Variants in NRXN3 observed in about 807,000 individuals in gnomAD.
NRXN3 encodes neurexin 3.
A neutral mutation model predicts 137.6 loss-of-function variants in NRXN3; 32 were observed. The ratio of observed to expected loss-of-function variants is 0.23; its 90% confidence interval spans 0.18 to 0.31. NRXN3 has a LOEUF of 0.31. Ranked by LOEUF, NRXN3 falls within the 10% of genes least tolerant of loss-of-function variation. The pLI is 1.00. For synonymous variants in NRXN3, 798 were observed against 784.5 expected (o/e 1.02, Z -0.29); for missense variants, 1,574 against 2,062.5 (o/e 0.76, Z 4.59).
chr14:78,693,823 TA>T (rs1159236767), intron 6 of NRXN3, among the ~76,000 whole-genome samples: 5 of 151,686 alleles, frequency 3.3e-5, no homozygotes, highest in African/African-American at 1.2e-4. Context: ...CTAGTGCCTT[TA>T]GGATCAAGTT....
At position 79,861,347 on chromosome 14, in the gene NRXN3, A is replaced by C; in HGVS notation, c.4099A>C (p.Ser1367Arg). ...FVECEPSTDKSLSTSIFEGGY... is the reference protein window; with the variant it reads ...FVECEPSTDKRLSTSIFEGGY... ...CACCTTCTCCTTGGTAACAGATAAGAGTCTTTCCACTTCAATCTTCGAAGG... is the reference window on the plus strand; with the variant it reads ...CACCTTCTCCTTGGTAACAGATAAGCGTCTTTCCACTTCAATCTTCGAAGG... The change falls in exon 21 of 21, where the codon AGT becomes CGT. Residue 1367 changes from serine (S) to arginine (R), a missense_variant. Transcript: ENST00000335750. This position sits in a 1 kb window ranked among gnomAD's most constrained non-coding sequence, Gnocchi z 5.4. The C allele has an allele frequency of 1.8e-5, 28 of 1,536,112 alleles. No individual in the cohort carries two copies. The highest frequency in any genetic ancestry group is 2.4e-5 in the Non-Finnish European group (28 of 1,146,908).
At chr14:78,937,561 A>G (rs1179091248) in intron 10 of NRXN3, among the ~76,000 whole-genome samples, 1 of 152,214 alleles carries the variant, frequency 6.6e-6, no homozygotes, top group Non-Finnish European at 1.5e-5. Flanking sequence ...TCAAAAATCT[A>G]ACAGTAATAG....
chr14:79,575,326 C>T (rs1287456294), intron 16 of NRXN3, among the ~76,000 whole-genome samples: 4 of 151,944 alleles, frequency 2.6e-5, no homozygotes, highest in African/African-American at 2.4e-5. Context: ...AAGACGGAAG[C>T]GTGGTAAGGA....
At chr14:79,716,624 A>G (rs917910) in intron 19 of NRXN3, among the ~76,000 whole-genome samples, 70,195 of 151,724 alleles carry the variant, frequency 0.46, 16,797 homozygotes, top group Middle Eastern at 0.59. Flanking sequence ...GTTTTCCTGC[A>G]GTCTAATTAG....
intron 16 of NRXN3, among the ~76,000 whole-genome samples, chr14:79,515,514 C>G (rs1218405823): frequency 6.7e-6 from 1 of 150,232 alleles, no homozygotes; most frequent in African/African-American, 2.5e-5. Context: ...AGAACTTTAG[C>G]AAAGGAAGAT....
At chr14:78,423,721 A>G (rs2093550927) in intron 4 of NRXN3, among the ~76,000 whole-genome samples, 1 of 152,216 alleles carries the variant, frequency 6.6e-6, no homozygotes, top group African/African-American at 2.4e-5. Context: ...CACATGTGCT[A>G]GAAAGTATTA....
chr14:78,886,702 A>G lies in NRXN3; in HGVS notation c.2276-70540A>G, dbSNP rs139573686. Among the ~76,000 whole-genome samples the G allele has an allele frequency of 4.4e-3, 671 of 152,278 alleles. 3 individuals are homozygous for G. The highest frequency in any genetic ancestry group is 0.015 in the African/African-American group (617 of 41,568). ...ATATTTAACAGTCTTATGAAAGACT[A>G]AAGAATCATTTTGAGTTCATCTACT... On this transcript the variant is annotated intron_variant, in intron 10 of 20. Transcript: ENST00000335750.
chr14:79,477,966 G>A (rs754601642), intron 16 of NRXN3, among the ~76,000 whole-genome samples: 75 of 151,820 alleles, frequency 4.9e-4, no homozygotes, highest in Admixed American at 1.3e-3. Flanking sequence ...TTTGACTTTA[G>A]TGATGCAAAA....
At chr14:78,213,511 A>G (rs1156533885) in intron 1 of NRXN3, among the ~76,000 whole-genome samples, 1 of 152,188 alleles carries the variant, frequency 6.6e-6, no homozygotes, top group Non-Finnish European at 1.5e-5. Flanking sequence ...GCTCTGAGAA[A>G]GTCTCAGCCA....
chr14:79,251,825 C>A (rs2075973348), intron 15 of NRXN3, among the ~76,000 whole-genome samples: 2 of 151,430 alleles, frequency 1.3e-5, no homozygotes, highest in South Asian at 4.2e-4. Context: ...TGTTTCTTTT[C>A]TTTTCTTTTT....
chr14:79,836,399 A>G (rs1333378267), intron 20 of NRXN3, among the ~76,000 whole-genome samples: 1 of 152,212 alleles, frequency 6.6e-6, no homozygotes, highest in African/African-American at 2.4e-5. Context: ...TGTTAAAACC[A>G]AGAGCAGGAA....
At chr14:79,352,889 C>T (rs1173631828) in intron 15 of NRXN3, among the ~76,000 whole-genome samples, 7 of 152,052 alleles carry the variant, frequency 4.6e-5, no homozygotes, top group South Asian at 2.1e-4. Flanking sequence ...TCAGAGTCTA[C>T]GTATTTAACT....
chr14:79,181,871 C>A (rs2062969271), intron 15 of NRXN3, among the ~76,000 whole-genome samples: 1 of 151,974 alleles, frequency 6.6e-6, no homozygotes, highest in Admixed American at 6.6e-5. Flanking sequence ...AAATCTTACT[C>A]CCCACCATAG....
chr14:79,074,203 C>T (rs954478692), intron 15 of NRXN3, among the ~76,000 whole-genome samples: 5 of 152,128 alleles, frequency 3.3e-5, no homozygotes, highest in African/African-American at 1.2e-4. Flanking sequence ...TGCAGTCTTG[C>T]ACATCAAATT....
rs148307147 is a variant in NRXN3, at chr14:79,168,370, T to G, written c.3262+180229T>G. 1.4e-4 allele frequency among the ~76,000 whole-genome samples: 21 copies of G among 152,132 alleles called. 1 individual carries two copies. The South Asian group carries it at 2.5e-3, about 18-fold the overall frequency. On this transcript the variant is annotated intron_variant, in intron 15 of 20. Transcript: ENST00000335750. ...ATAGTTGATATTCACATATTAGATCTCAATAGAAAAAATAGATAGTATAGG... is the reference window on the plus strand; with the variant it reads ...ATAGTTGATATTCACATATTAGATCGCAATAGAAAAAATAGATAGTATAGG...
intron 4 of NRXN3, among the ~76,000 whole-genome samples, chr14:78,434,086 G>A (rs2093981654): frequency 6.6e-6 from 1 of 152,160 alleles, no homozygotes; most frequent in African/African-American, 2.4e-5. Flanking sequence ...GGCAAATCCT[G>A]TTTTACAGTA....
chr14:79,806,882 G>T (rs1289261187), intron 20 of NRXN3, among the ~76,000 whole-genome samples: 1 of 133,646 alleles, frequency 7.5e-6, no homozygotes, highest in Non-Finnish European at 1.5e-5. Context: ...TCCTCAATAC[G>T]TACATTAAAT....
intron 4 of NRXN3, among the ~76,000 whole-genome samples, chr14:78,569,800 T>C (rs1440193275): frequency 6.6e-6 from 1 of 152,012 alleles, no homozygotes; most frequent in Admixed American, 6.6e-5. Context: ...TCTCAAGTGA[T>C]CTACCCGCCT....
chr14:78,768,395 A>G (rs1017061790), intron 8 of NRXN3, among the ~76,000 whole-genome samples: 1 of 152,174 alleles, frequency 6.6e-6, no homozygotes, highest in Admixed American at 6.5e-5. Flanking sequence ...TTCTTATAAG[A>G]TGGAAGAGAC....
Sources: allele counts gnomAD v4.1 joint callset (sites outside exome capture counted in the v4.1 genomes callset), GRCh38; gene constraint gnomAD v4.1.1; non-coding constraint Gnocchi (gnomAD v3.1); transcripts MANE v1.5; gene names NCBI Gene and HGNC (gene_info 2026-07-23, HGNC 2026-07-21).